NFATC3: variants seen among roughly 807,000 people sequenced by gnomAD.
NFATC3 encodes nuclear factor of activated T cells 3, also known as nuclear factor of activated T-cells, cytoplasmic 3.
NFATC3 carries 46 observed loss-of-function variants against 98.6 expected under a neutral mutation model. The ratio of observed to expected loss-of-function variants is 0.47; its 90% CI spans 0.37 to 0.60. NFATC3 has a LOEUF of 0.60. Among genes scored for constraint, NFATC3 ranks in the 20% least tolerant of loss-of-function variants. The pLI is 0.00. For synonymous variants in NFATC3, 512 were observed against 472.2 expected, an observed-to-expected ratio of 1.08 and a Z score of -1.09; for missense variants, 1,256 against 1,295.5, an observed-to-expected ratio of 0.97 and a Z score of 0.47.
chr16:68,105,944 T>G (rs562678532), intron 1 of NFATC3, among the ~76,000 whole-genome samples: 2 of 152,214 alleles, frequency 1.3e-5, no homozygotes, highest in East Asian at 3.9e-4. Flanking sequence ...AGTGGAGCAA[T>G]CTTGGCTCAC....
intron 9 of NFATC3, chr16:68,217,960 T>TA: frequency 8.2e-7 from 1 of 1,216,676 alleles, no homozygotes. Context: ...AAGAATGAAT[T>TA]AAGATAATTA....
intron 1 of NFATC3, among the ~76,000 whole-genome samples, chr16:68,108,921 A>AT (rs1567501245): frequency 1.3e-5 from 2 of 152,078 alleles, no homozygotes; most frequent in Non-Finnish European, 2.9e-5. Flanking sequence ...TTGCACATTG[A>AT]TTTTGTATCC....
At chr16:68,141,870 C>A (rs2037769288) in intron 3 of NFATC3, among the ~76,000 whole-genome samples, 1 of 152,088 alleles carries the variant, frequency 6.6e-6, no homozygotes, top group South Asian at 2.1e-4. Flanking sequence ...GGGTCTTAAT[C>A]ATAAATTCTT....
rs186371624 is a variant in NFATC3 at position 68,183,431 on chromosome 16, G to A, written c.2098+65G>A. The A allele has an allele frequency of 2.3e-4, 359 of 1,557,706 alleles. 1 individual carries two copies. Among genetic ancestry groups the A allele is most frequent in the Non-Finnish European group, 5.6e-5 (64 of 1,146,806 alleles). On this transcript the variant is annotated intron_variant, in intron 8 of 9. Coordinates refer to ENST00000346183, the MANE Select transcript of NFATC3 (RefSeq NM_173165.3). Reference sequence around the variant, plus strand: ...CCTAATGAATAAAAAGTTATTTAACGAATCCTATATTACAGTGTTTAAGGT... The same window carrying A: ...CCTAATGAATAAAAAGTTATTTAACAAATCCTATATTACAGTGTTTAAGGT...
intron 9 of NFATC3, among the ~76,000 whole-genome samples, chr16:68,220,734 C>A (rs542884223): frequency 6.9e-6 from 1 of 145,192 alleles, no homozygotes; most frequent in Admixed American, 6.9e-5. Flanking sequence ...GGTGAAACCC[C>A]GTCTCTACTA....
chr16:68,093,519 GAAC>G (rs981376327), intron 1 of NFATC3, among the ~76,000 whole-genome samples: 6 of 152,198 alleles, frequency 3.9e-5, no homozygotes, highest in Admixed American at 6.5e-5. Context: ...TTAAAAACAA[GAAC>G]AACAACAACA....
In NFATC3 at chr16:68,166,835, C is replaced by A; in HGVS notation, c.1602-8C>A. The stretch of plus-strand genomic sequence containing the variant: ...AAACAAATTAAATTTTTGTATTTTT[C>A]TCTTTAGTATTGATTGTGCAGGTAT... On this transcript the variant is annotated splice_region_variant and splice_polypyrimidine_tract_variant and intron_variant, in intron 4 of 9. Coordinates refer to ENST00000346183, the MANE Select transcript of NFATC3 (RefSeq NM_173165.3). 1 of 1,587,340 alleles carries A rather than the reference C, an allele frequency of 6.3e-7. No homozygotes were observed. The highest frequency in any genetic ancestry group is 8.6e-7 in the Non-Finnish European group (1 of 1,164,624).
intron 3 of NFATC3, chr16:68,138,496 C>T (rs1481247559): frequency 3.2e-6 from 4 of 1,262,976 alleles, no homozygotes; most frequent in South Asian, 1.3e-5. Context: ...CATTTTCTTT[C>T]AAATTGTTGC....
chr16:68,206,290 A>G (rs925470410), intron 9 of NFATC3, among the ~76,000 whole-genome samples: 4 of 152,240 alleles, frequency 2.6e-5, no homozygotes, highest in Non-Finnish European at 5.9e-5. Flanking sequence ...GTGTATAGCT[A>G]AGTGGCATTA....
chr16:68,191,520 C>T lies in NFATC3; in HGVS notation c.2851C>T (p.Pro951Ser). Reference protein sequence around the residue: ...GPPSPQLQPMPYQSPSSGTAS... With the variant: ...GPPSPQLQPMSYQSPSSGTAS... Reference sequence around the variant, plus strand: ...ACCATCTCCTCAGCTTCAGCCTATGCCTTACCAATCTCCTAGCTCAGGAAC... The same window carrying T: ...ACCATCTCCTCAGCTTCAGCCTATGTCTTACCAATCTCCTAGCTCAGGAAC... Residue 951 changes from proline (P) to serine (S), a missense_variant, in exon 9 of 10, where the codon CCT becomes TCT. This residue lies in a region of NFATC3 where 636 missense variants were observed against 617.3 expected (regional missense o/e 1.03). Transcript: ENST00000346183. 1 of 1,614,182 alleles carries T rather than the reference C, an allele frequency of 6.2e-7. No individual in the cohort carries two copies.
intron 4 of NFATC3, among the ~76,000 whole-genome samples, chr16:68,163,395 G>A (rs2038996385): frequency 6.6e-6 from 1 of 151,692 alleles, no homozygotes; most frequent in African/African-American, 2.4e-5. Flanking sequence ...TCCCGGACGG[G>A]GCGGCTGGCC....
At chr16:68,099,948 A>G (rs2035251387) in intron 1 of NFATC3, among the ~76,000 whole-genome samples, 1 of 151,834 alleles carries the variant, frequency 6.6e-6, no homozygotes, top group Admixed American at 6.6e-5. Flanking sequence ...TGCTGGGATT[A>G]CAGGTGTGAG....
intron 9 of NFATC3, among the ~76,000 whole-genome samples, chr16:68,222,387 T>C (rs921781020): frequency 1.3e-5 from 2 of 150,738 alleles, no homozygotes; most frequent in Non-Finnish European, 3.0e-5. Flanking sequence ...AAAACACCAT[T>C]TAAAATCCGT....
chr16:68,115,815 A>G (rs530912509), intron 1 of NFATC3, among the ~76,000 whole-genome samples: 5 of 152,208 alleles, frequency 3.3e-5, no homozygotes, highest in Admixed American at 2.6e-4. Context: ...TACTGTGGTA[A>G]TGCATATATA....
chr16:68,166,233 T>C (rs2039186539), intron 4 of NFATC3, among the ~76,000 whole-genome samples: 1 of 152,240 alleles, frequency 6.6e-6, no homozygotes, highest in East Asian at 1.9e-4. Flanking sequence ...TCTATTATTT[T>C]GCATGATTCT....
At chr16:68,112,645 C>CTTTTTTTTTTTTT (rs1567503218) in intron 1 of NFATC3, among the ~76,000 whole-genome samples, 2 of 119,234 alleles carry the variant, frequency 1.7e-5, no homozygotes, top group East Asian at 2.3e-4. Context: ...TTTTCTTTTT[C>CTTTTTTTTTTTTT]GTTTTTTTTT....
chr16:68,105,911 C>T (rs1416681197), intron 1 of NFATC3, among the ~76,000 whole-genome samples: 1 of 152,028 alleles, frequency 6.6e-6, no homozygotes, highest in African/African-American at 2.4e-5. Flanking sequence ...CAGAGTCTCA[C>T]TCTGTTGCTC....
chr16:68,120,114 C>CA (rs536178978), intron 1 of NFATC3, among the ~76,000 whole-genome samples: 3,950 of 57,910 alleles, frequency 0.068, 97 homozygotes, highest in African/African-American at 0.11. Flanking sequence ...CCTGTCTCTA[C>CA]AAAAAAAAAA....
chr16:68,121,664 C>T (rs1199995403), intron 1 of NFATC3, among the ~76,000 whole-genome samples: 1 of 146,252 alleles, frequency 6.8e-6, no homozygotes, highest in Non-Finnish European at 1.5e-5. Context: ...GAGAGTGAGA[C>T]CCTGTCTCAA....
Sources: gnomAD v4.1 joint callset for allele counts (sites outside exome capture counted in the v4.1 genomes callset) on GRCh38, gnomAD v4.1.1 for gene constraint, gnomAD v4.1.1 regional missense constraint, MANE v1.5 for transcripts, NCBI Gene and HGNC (gene_info 2026-07-23, HGNC 2026-07-21) for gene names.